MGAT4C: variants seen among roughly 807,000 people sequenced by gnomAD.
MGAT4C encodes the protein alpha-1,3-mannosyl-glycoprotein 4-beta-N-acetylglucosaminyltransferase C.
A neutral mutation model predicts 40.1 loss-of-function variants in MGAT4C; 19 were observed. The observed-to-expected ratio is 0.47, with a 90% CI of 0.33 to 0.70. The LOEUF (loss-of-function observed/expected upper bound fraction) is 0.70, where lower values mean the gene tolerates loss of function less well. MGAT4C is among the 30% of genes least tolerant of loss of function. The probability of loss-of-function intolerance (pLI) is 0.02; values close to 1 mark genes in which losing one functional copy is unlikely to be tolerated. For missense variants in MGAT4C, 491 were observed against 563.2 expected (o/e 0.87, Z 1.30); for synonymous variants, 181 against 187.1 (o/e 0.97, Z 0.27).
At chr12:86,070,409 A>G (rs182629965) in intron 1 of MGAT4C, among the ~76,000 whole-genome samples, 71 of 152,210 alleles carry the variant, frequency 4.7e-4, no homozygotes, top group Middle Eastern at 3.4e-3. Flanking sequence ...GTAAATACTT[A>G]TAAAAATATT....
intron 1 of MGAT4C, among the ~76,000 whole-genome samples, chr12:86,802,126 G>T (rs1952241405): frequency 6.6e-6 from 1 of 152,010 alleles, no homozygotes; most frequent in African/African-American, 2.4e-5. Context: ...CTTATAATTA[G>T]CTTTATACCA....
chr12:86,780,743 T>C (rs1050751318), intron 1 of MGAT4C, among the ~76,000 whole-genome samples: 1 of 152,176 alleles, frequency 6.6e-6, no homozygotes, highest in Non-Finnish European at 1.5e-5. Context: ...GGGCTTTTAG[T>C]GTAAACATCA....
intron 3 of MGAT4C, among the ~76,000 whole-genome samples, chr12:86,362,978 G>T (rs535873934): frequency 1.3e-5 from 2 of 151,704 alleles, no homozygotes; most frequent in African/African-American, 4.8e-5. Flanking sequence ...AAGACCAAAG[G>T]GTCAATTCAT....
At chr12:86,172,466 C>T (rs2135835718) in intron 1 of MGAT4C, among the ~76,000 whole-genome samples, 1 of 152,150 alleles carries the variant, frequency 6.6e-6, no homozygotes, top group Admixed American at 6.5e-5. Flanking sequence ...GGGGATAGAA[C>T]AGCTTTTAAA....
chr12:86,669,204 G>C (rs934951786), intron 2 of MGAT4C, among the ~76,000 whole-genome samples: 1 of 152,044 alleles, frequency 6.6e-6, no homozygotes, highest in Non-Finnish European at 1.5e-5. Context: ...CCAGATCTTA[G>C]TGCAACAGGG....
chr12:86,773,126 A>G (rs1398922630), intron 1 of MGAT4C, among the ~76,000 whole-genome samples: 1 of 152,132 alleles, frequency 6.6e-6, no homozygotes, highest in African/African-American at 2.4e-5. Context: ...GAATGTGACT[A>G]TATTTGATGG....
chr12:86,384,548 C>A (rs1956016885), intron 3 of MGAT4C, among the ~76,000 whole-genome samples: 1 of 152,120 alleles, frequency 6.6e-6, no homozygotes, highest in African/African-American at 2.4e-5. Flanking sequence ...ATATCTTGCC[C>A]AAACGCATTA....
intron 2 of MGAT4C, among the ~76,000 whole-genome samples, chr12:86,681,174 AT>A (rs1422284576): frequency 6.6e-6 from 1 of 152,000 alleles, no homozygotes; most frequent in Non-Finnish European, 1.5e-5. Flanking sequence ...CTCTAGCATC[AT>A]ATATTTAAGA....
chr12:86,480,209 A>C (rs1205437281), intron 2 of MGAT4C, among the ~76,000 whole-genome samples: 3 of 151,840 alleles, frequency 2.0e-5, no homozygotes, highest in Admixed American at 2.0e-4. Context: ...GCCATTAGAG[A>C]ACATGTAAGT....
chr12:86,123,337 G>A (rs1879743249), intron 1 of MGAT4C, among the ~76,000 whole-genome samples: 1 of 152,090 alleles, frequency 6.6e-6, no homozygotes, highest in South Asian at 2.1e-4. Flanking sequence ...GTTATTAAGA[G>A]TGTTTTTCAT....
At chr12:86,825,282 C>T (rs1044209500) in intron 1 of MGAT4C, among the ~76,000 whole-genome samples, 1 of 145,604 alleles carries the variant, frequency 6.9e-6, no homozygotes, top group African/African-American at 2.6e-5. Flanking sequence ...TTTCTCAAAT[C>T]CATAAATGTG....
intron 1 of MGAT4C, among the ~76,000 whole-genome samples, chr12:86,182,331 T>G (rs2135870865): frequency 6.6e-6 from 1 of 152,248 alleles, no homozygotes; most frequent in South Asian, 2.1e-4. Context: ...TGCACAAAAT[T>G]AAATATATTG....
At chr12:86,757,666 A>G (rs1221213648) in intron 1 of MGAT4C, among the ~76,000 whole-genome samples, 1 of 152,122 alleles carries the variant, frequency 6.6e-6, no homozygotes. Context: ...CTTAGAATAG[A>G]TATTTATGCT....
rs147311298 is a variant in MGAT4C, at chr12:86,360,889, A to G, written c.-119-26762T>C. On this transcript the variant is annotated intron_variant, in intron 3 of 7. Coordinates refer to the MGAT4C transcript ENST00000548651. ...ATGCTCATGGATAGGAAGAATCAAT[A>G]TCGTGAAAATGGTCATACTGCCCAA... 4.8e-3 allele frequency among the ~76,000 whole-genome samples: 731 copies of G among 152,326 alleles called. 4 individuals are homozygous for G. Among genetic ancestry groups the G allele is most frequent in the Non-Finnish European group, 5.6e-3 (383 of 68,020 alleles).
intron 2 of MGAT4C, among the ~76,000 whole-genome samples, chr12:86,682,581 C>A (rs1186337577): frequency 1.3e-5 from 2 of 151,942 alleles, no homozygotes; most frequent in Non-Finnish European, 2.9e-5. Context: ...CATCAACTAC[C>A]ATGACAACTA....
intron 2 of MGAT4C, chr12:86,001,583 T>G (rs1306037940): frequency 1.6e-5 from 15 of 952,664 alleles, no homozygotes; most frequent in Non-Finnish European, 1.7e-5. Flanking sequence ...ATGATAAGTC[T>G]GTTGAAGCAC....
intron 1 of MGAT4C, among the ~76,000 whole-genome samples, chr12:86,053,690 T>G (rs2136977171): frequency 6.6e-6 from 1 of 152,078 alleles, no homozygotes; most frequent in East Asian, 1.9e-4. Flanking sequence ...ATCTCCTAAG[T>G]TACTATTCTA....
intron 2 of MGAT4C, among the ~76,000 whole-genome samples, chr12:86,487,238 C>T (rs1190209334): frequency 6.6e-6 from 1 of 152,144 alleles, no homozygotes; most frequent in Non-Finnish European, 1.5e-5. Context: ...ATTCCTACTC[C>T]TAACTAGTGT....
At chr12:86,573,831 T>A (rs965234859) in intron 2 of MGAT4C, among the ~76,000 whole-genome samples, 2 of 151,984 alleles carry the variant, frequency 1.3e-5, no homozygotes, top group Admixed American at 6.6e-5. Context: ...TAGCTATCAT[T>A]TTCAAATTCC....
Sources: allele counts gnomAD v4.1 joint callset (sites outside exome capture counted in the v4.1 genomes callset), GRCh38; gene constraint gnomAD v4.1.1; transcripts MANE v1.5; gene names NCBI Gene and HGNC (gene_info 2026-07-23, HGNC 2026-07-21).